The following PTPRN2 variants were observed in gnomAD, a reference collection of about 807,000 sequenced individuals.
The protein encoded by PTPRN2 is receptor-type tyrosine-protein phosphatase N2.
PTPRN2 carries 74 observed loss-of-function variants against 118.8 expected under a neutral mutation model. The ratio of observed to expected loss-of-function variants is 0.62; its 90% CI spans 0.52 to 0.76. The LOEUF (loss-of-function observed/expected upper bound fraction) is 0.76, where lower values mean the gene tolerates loss of function less well. Among genes scored for constraint, PTPRN2 ranks in the 30% least tolerant of loss-of-function variants. The probability of loss-of-function intolerance (pLI) is 0.00; values close to 1 mark genes in which losing one functional copy is unlikely to be tolerated. For synonymous variants in PTPRN2, 641 were observed against 608.0 expected, an observed-to-expected ratio of 1.05 and a Z score of -0.80; for missense variants, 1,481 against 1,394.4, an observed-to-expected ratio of 1.06 and a Z score of -0.99.
intron 2 of PTPRN2, among the ~76,000 whole-genome samples, chr7:158,441,597 AGTGATGGTGATGGCAGTGGTGGTGGTG>A (rs1817243402): frequency 7.7e-6 from 1 of 129,276 alleles, no homozygotes; most frequent in South Asian, 2.6e-4. Context: ...TGGTGGTGAT[AGTGATGGTGATGGCAGTGGTGGTGGTG>A]GTGATAGTGA....
At chr7:158,008,573 T>C (rs1208647563) in intron 11 of PTPRN2, among the ~76,000 whole-genome samples, 3 of 152,248 alleles carry the variant, frequency 2.0e-5, no homozygotes, top group African/African-American at 7.2e-5. Context: ...CTGATTCTTA[T>C]TTATTTTACA....
At chr7:158,203,586 C>A (rs1196792662) in intron 4 of PTPRN2, among the ~76,000 whole-genome samples, 3 of 139,968 alleles carry the variant, frequency 2.1e-5, no homozygotes, top group African/African-American at 8.8e-5. Context: ...TTCTGTTTGC[C>A]CTGTTCTGCA....
intron 12 of PTPRN2, among the ~76,000 whole-genome samples, chr7:157,706,041 C>T (rs1210337185): frequency 6.6e-5 from 10 of 150,920 alleles, no homozygotes; most frequent in Admixed American, 4.0e-4. Flanking sequence ...TCCAAATCAA[C>T]GTGGACCACA....
At chr7:158,446,158 C>T (rs1817712734) in intron 2 of PTPRN2, among the ~76,000 whole-genome samples, 1 of 152,176 alleles carries the variant, frequency 6.6e-6, no homozygotes, top group Non-Finnish European at 1.5e-5. Flanking sequence ...CAGCTCGCCC[C>T]AGGTCTTCCT....
At chr7:157,887,943 C>A (rs1458041494) in intron 12 of PTPRN2, among the ~76,000 whole-genome samples, 1 of 149,626 alleles carries the variant, frequency 6.7e-6, no homozygotes, top group African/African-American at 2.5e-5. Context: ...ACTGAGTGGG[C>A]AAGAGCCCAC....
chr7:158,254,770 T>C (rs188645259), intron 3 of PTPRN2, among the ~76,000 whole-genome samples: 2 of 152,366 alleles, frequency 1.3e-5, no homozygotes, highest in East Asian at 3.9e-4. Context: ...GCAGAGGGCA[T>C]GAGTTTCACC....
rs568897419 is a variant in PTPRN2 at position 157,550,043 on chromosome 7, G to A, written c.2903-1024C>T. ...CCCCAACTACCGTGGGCAGGACAGC[G>A]CTGGCCGAAGACCTGAGGAGGCCCG... On this transcript the variant is annotated intron_variant, in intron 21 of 22. Transcript: ENST00000389418. This position sits in a 1 kb window ranked among gnomAD's most constrained non-coding sequence, Gnocchi z 5.2. Among the ~76,000 whole-genome samples the A allele has an allele frequency of 6.6e-6, 1 of 152,358 alleles. No individual in the cohort carries two copies. The highest frequency in any genetic ancestry group is 2.1e-4 in the South Asian group (1 of 4,832).
intron 11 of PTPRN2, among the ~76,000 whole-genome samples, chr7:158,051,970 G>A (rs1373903415): frequency 6.6e-6 from 1 of 152,152 alleles, no homozygotes; most frequent in African/African-American, 2.4e-5. Context: ...TGAGGGGAGG[G>A]AATGAATATA....
chr7:158,048,041 T>C (rs1241210296), intron 11 of PTPRN2, among the ~76,000 whole-genome samples: 1 of 152,036 alleles, frequency 6.6e-6, no homozygotes, highest in Non-Finnish European at 1.5e-5. Flanking sequence ...ACCCGATGGA[T>C]ATCGAAGGTG....
chr7:157,732,296 C>T (rs370706212), intron 12 of PTPRN2, among the ~76,000 whole-genome samples: 4 of 7,860 alleles, frequency 5.1e-4, no homozygotes, highest in Non-Finnish European at 8.6e-4. Context: ...TCCCGTCCCA[C>T]GCGCCCAGCA....
At chr7:158,575,111 A>G (rs1187346456) in intron 1 of PTPRN2, among the ~76,000 whole-genome samples, 1 of 152,230 alleles carries the variant, frequency 6.6e-6, no homozygotes, top group African/African-American at 2.4e-5. Context: ...CAATATACCC[A>G]CACATGGTAG....
intron 2 of PTPRN2, among the ~76,000 whole-genome samples, chr7:158,473,872 C>T (rs570403650): frequency 1.3e-5 from 2 of 152,194 alleles, no homozygotes; most frequent in South Asian, 2.1e-4. Flanking sequence ...AATTGGGAAG[C>T]GAAAACTACT....
At chr7:158,126,673 C>T (rs185977228) in intron 9 of PTPRN2, among the ~76,000 whole-genome samples, 2 of 145,984 alleles carry the variant, frequency 1.4e-5, no homozygotes, top group South Asian at 2.2e-4. Flanking sequence ...CCCAGGACAG[C>T]GGGCGGCGGA....
intron 12 of PTPRN2, among the ~76,000 whole-genome samples, chr7:157,819,677 G>A (rs534065973): frequency 1.3e-5 from 2 of 152,254 alleles, no homozygotes; most frequent in South Asian, 4.1e-4. Flanking sequence ...GCATTCAGGG[G>A]AGCGTGCTGG....
chr7:157,847,762 G>A (rs1476030405), intron 12 of PTPRN2, among the ~76,000 whole-genome samples: 26 of 125,466 alleles, frequency 2.1e-4, no homozygotes, highest in South Asian at 2.8e-4. Flanking sequence ...TCCATCATGC[G>A]TGCCCGATGT....
In PTPRN2 at chr7:158,193,511, T is replaced by G. The variant is rs570791882; in HGVS notation, c.381-1016A>C. Among the ~76,000 whole-genome samples the G allele has an allele frequency of 2.0e-5, 3 of 152,146 alleles. No homozygotes were observed. In the East Asian group the frequency reaches 5.8e-4, roughly 30 times the overall value. ...TCCCCATGTTTATGGGGAGCCCTGG[T>G]GGAGGCCTGGGCATGCACAGAGGAT... On this transcript the variant is annotated intron_variant, in intron 4 of 22. Coordinates refer to ENST00000389418, the MANE Select transcript of PTPRN2 (RefSeq NM_002847.5).
chr7:158,390,336 G>A lies in PTPRN2; in HGVS notation c.164-73404C>T, dbSNP rs147189466. The stretch of plus-strand genomic sequence containing the variant: ...GACTAAGAAGTTATTCCCATGCAGC[G>A]AGTGGCACTAAGTCGCAGCCGAACC... On this transcript the variant is annotated intron_variant, in intron 2 of 22. Transcript: ENST00000389418. Among the ~76,000 whole-genome samples, 600 of 152,342 alleles carry A rather than the reference G, an allele frequency of 3.9e-3. 3 individuals carry two copies. Among genetic ancestry groups the A allele is most frequent in the Middle Eastern group, 6.8e-3 (2 of 294 alleles).
At chr7:158,152,415 G>T (rs960722849) in intron 6 of PTPRN2, among the ~76,000 whole-genome samples, 1 of 152,186 alleles carries the variant, frequency 6.6e-6, no homozygotes, top group Non-Finnish European at 1.5e-5. Context: ...AAGGCCGTGG[G>T]CAGAAGCTGC....
intron 3 of PTPRN2, among the ~76,000 whole-genome samples, chr7:158,316,108 G>T (rs1404961747): frequency 6.6e-6 from 1 of 152,232 alleles, no homozygotes; most frequent in Non-Finnish European, 1.5e-5. Flanking sequence ...CCAGCCGCCG[G>T]GGGGCAGGTG....
Sources: allele counts gnomAD v4.1 joint callset (sites outside exome capture counted in the v4.1 genomes callset), GRCh38; gene constraint gnomAD v4.1.1; non-coding constraint Gnocchi (gnomAD v3.1); transcripts MANE v1.5; gene names NCBI Gene and HGNC (gene_info 2026-07-23, HGNC 2026-07-21).